The following COMMD1 variants were observed in gnomAD, a reference collection of about 807,000 sequenced individuals.
COMMD1 encodes copper metabolism domain containing 1.
COMMD1 carries 10 observed loss-of-function variants against 17.2 expected under a neutral mutation model. That is an observed-to-expected ratio of 0.58 (90% confidence interval 0.36 to 0.99). The LOEUF (loss-of-function observed/expected upper bound fraction) is 0.99, where lower values mean the gene tolerates loss of function less well. Among genes scored for constraint, COMMD1 ranks in the 50% least tolerant of loss-of-function variants. COMMD1 has a pLI of 0.01. For missense variants in COMMD1, 270 were observed against 231.8 expected (o/e 1.17, Z -1.07); for synonymous variants, 97 against 91.6 (o/e 1.06, Z -0.34).
At chr2:61,940,402 A>G (rs1670711809) in intron 1 of COMMD1, among the ~76,000 whole-genome samples, 1 of 152,132 alleles carries the variant, frequency 6.6e-6, no homozygotes, top group Non-Finnish European at 1.5e-5. Context: ...AACATCTCAG[A>G]TTTCATAATT....
intron 2 of COMMD1, among the ~76,000 whole-genome samples, chr2:62,059,509 A>G (rs754210096): frequency 6.6e-6 from 1 of 152,054 alleles, no homozygotes; most frequent in East Asian, 1.9e-4. Flanking sequence ...TCTATCTTGG[A>G]GTCTATAACT....
At position 61,913,816 on chromosome 2, in the gene COMMD1, A is replaced by AAAAAAG. The variant is rs756118056; in HGVS notation, c.180+7959_180+7960insAAAAGA. Among the ~76,000 whole-genome samples, 321 of 100,144 alleles carry AAAAAAG rather than the reference A, an allele frequency of 3.2e-3. 39 individuals are homozygous for AAAAAAG. Among genetic ancestry groups the AAAAAAG allele is most frequent in the East Asian group, 4.0e-3 (12 of 3,004 alleles). 65.7% of individuals were successfully genotyped at this position (100,144 alleles called of 152,430 possible). A position where few individuals can be genotyped will look rare whatever the true frequency, so the allele number is the denominator to read the frequency against. On this transcript the variant is annotated intron_variant, in intron 1 of 2. Coordinates refer to ENST00000311832, the MANE Select transcript of COMMD1 (RefSeq NM_152516.4). The stretch of plus-strand genomic sequence containing the variant: ...ATCTCCAAAAAAAAAAAAAAAAAAA[A>AAAAAAG]AGAAAAGTGTGTTAACCTCTGTTCC...
chr2:62,044,961 G>A (rs113111064), intron 2 of COMMD1, among the ~76,000 whole-genome samples: 4,593 of 152,186 alleles, frequency 0.03, 108 homozygotes, highest in East Asian at 0.088. Flanking sequence ...GTAATTGCCC[G>A]ATGGGTTCTT....
chr2:62,133,309 C>G (rs1673093254), intron 2 of COMMD1, among the ~76,000 whole-genome samples: 1 of 152,168 alleles, frequency 6.6e-6, no homozygotes, highest in Admixed American at 6.5e-5. Context: ...GTTCTTTTGG[C>G]TGATGGCAAA....
intron 2 of COMMD1, among the ~76,000 whole-genome samples, chr2:62,042,660 C>T (rs1015978430): frequency 6.6e-6 from 1 of 152,204 alleles, no homozygotes; most frequent in South Asian, 2.1e-4. Context: ...CCAGCCCCGG[C>T]GACGGGCTGA....
chr2:61,896,450 C>G (rs1669550731), intron 1 of COMMD1, among the ~76,000 whole-genome samples: 1 of 152,026 alleles, frequency 6.6e-6, no homozygotes, highest in African/African-American at 2.4e-5. Flanking sequence ...GCACAGTGAT[C>G]TGCACCTGTA....
intron 2 of COMMD1, among the ~76,000 whole-genome samples, chr2:62,086,475 C>G (rs1460834829): frequency 6.7e-6 from 1 of 150,346 alleles, no homozygotes; most frequent in East Asian, 1.9e-4. Context: ...CGCGCCACTG[C>G]ACTCCAGCCT....
At chr2:61,937,226 A>G (rs929406125) in intron 1 of COMMD1, among the ~76,000 whole-genome samples, 28 of 152,178 alleles carry the variant, frequency 1.8e-4, no homozygotes, top group Non-Finnish European at 1.0e-4. Flanking sequence ...CTGGAGGGGT[A>G]TGATGATTAC....
chr2:62,053,405 C>T (rs1670595638), intron 2 of COMMD1, among the ~76,000 whole-genome samples: 2 of 152,016 alleles, frequency 1.3e-5, no homozygotes, highest in Admixed American at 1.3e-4. Context: ...TAGGGCAATA[C>T]TTCCACCTTG....
chr2:61,951,767 G>T (rs937126783), intron 1 of COMMD1, among the ~76,000 whole-genome samples: 1 of 152,104 alleles, frequency 6.6e-6, no homozygotes, highest in African/African-American at 2.4e-5. Context: ...AATTTCTCCA[G>T]TGTCCCTTTA....
chr2:62,105,002 G>C (rs140808643), intron 2 of COMMD1, among the ~76,000 whole-genome samples: 229 of 152,106 alleles, frequency 1.5e-3, no homozygotes, highest in African/African-American at 5.1e-3. Flanking sequence ...GCACCTGCCT[G>C]TAATCCCAGC....
chr2:61,938,176 G>T (rs1351875152), intron 1 of COMMD1, among the ~76,000 whole-genome samples: 1 of 151,924 alleles, frequency 6.6e-6, no homozygotes, highest in African/African-American at 2.4e-5. Context: ...CAGCACCAGG[G>T]AGAGGCCATT....
chr2:61,918,403 G>A (rs913865064), intron 1 of COMMD1, among the ~76,000 whole-genome samples: 2 of 152,054 alleles, frequency 1.3e-5, no homozygotes, highest in African/African-American at 4.8e-5. Context: ...TTATAACACT[G>A]GACGTCATAT....
At chr2:62,082,279 C>T (rs1281168693) in intron 2 of COMMD1, among the ~76,000 whole-genome samples, 1 of 152,160 alleles carries the variant, frequency 6.6e-6, no homozygotes, top group African/African-American at 2.4e-5. Flanking sequence ...GATACCTGAA[C>T]CAGAATCTCG....
chr2:61,923,777 G>C (rs1035448330), intron 1 of COMMD1, among the ~76,000 whole-genome samples: 1 of 152,048 alleles, frequency 6.6e-6, no homozygotes, highest in Admixed American at 6.6e-5. Context: ...TTTTTTGTTT[G>C]TTTGTTTTTT....
At chr2:61,889,966 G>A (rs1669384805) in intron 1 of COMMD1, among the ~76,000 whole-genome samples, 1 of 152,154 alleles carries the variant, frequency 6.6e-6, no homozygotes, top group Admixed American at 6.6e-5. Context: ...AGGAACTGAA[G>A]CCCAGGGTAA....
chr2:61,994,152 A>T (rs942985611), intron 1 of COMMD1, among the ~76,000 whole-genome samples: 1 of 151,960 alleles, frequency 6.6e-6, no homozygotes, highest in Non-Finnish European at 1.5e-5. Context: ...ACCCCCGGCT[A>T]ATTTTTGTAT....
intron 2 of COMMD1, among the ~76,000 whole-genome samples, chr2:62,113,860 T>A (rs185132843): frequency 6.6e-6 from 1 of 152,236 alleles, no homozygotes; most frequent in African/African-American, 2.4e-5. Flanking sequence ...CATTTTATAT[T>A]TGTGTTACAG....
intron 2 of COMMD1, among the ~76,000 whole-genome samples, chr2:62,070,922 T>C (rs1446102809): frequency 6.6e-6 from 1 of 152,108 alleles, no homozygotes; most frequent in Non-Finnish European, 1.5e-5. Context: ...TCCCACCTGC[T>C]TGGGAGGCTG....
Sources: allele counts gnomAD v4.1 joint callset (sites outside exome capture counted in the v4.1 genomes callset), GRCh38; gene constraint gnomAD v4.1.1; transcripts MANE v1.5; gene names NCBI Gene and HGNC (gene_info 2026-07-23, HGNC 2026-07-21).